KIRREL3: variants seen among roughly 807,000 people sequenced by gnomAD.
KIRREL3 encodes the protein kirre like nephrin family adhesion molecule 3.
KIRREL3 carries 36 observed loss-of-function variants against 89.7 expected under a neutral mutation model. The ratio of observed to expected loss-of-function variants is 0.40; its 90% CI spans 0.31 to 0.53. The LOEUF (loss-of-function observed/expected upper bound fraction) is 0.53, where lower values mean the gene tolerates loss of function less well. KIRREL3 is among the 20% of genes least tolerant of loss of function. KIRREL3 has a pLI of 0.49. For missense variants in KIRREL3, 864 were observed against 1,056.6 expected, an observed-to-expected ratio of 0.82 and a Z score of 2.53; for synonymous variants, 445 against 441.4, an observed-to-expected ratio of 1.01 and a Z score of -0.10.
intron 1 of KIRREL3, among the ~76,000 whole-genome samples, chr11:126,700,337 A>G (rs1947266627): frequency 6.6e-6 from 1 of 152,214 alleles, no homozygotes; most frequent in Non-Finnish European, 1.5e-5. Flanking sequence ...AGTATGGCAC[A>G]TTGGAAGAGG....
In KIRREL3 at chr11:126,715,825, T is replaced by C. The variant is rs1041707932; in HGVS notation, c.56-152913A>G. Among the ~76,000 whole-genome samples the C allele has an allele frequency of 6.6e-6, 1 of 152,106 alleles. No homozygotes were observed. Among genetic ancestry groups the C allele is most frequent in the African/African-American group, 2.4e-5 (1 of 41,416 alleles). Reference sequence around the variant, plus strand: ...GAACACGGTTGCAGAGAGGCCAGTGTTCCACCGTCAAGAGCGCAGAAAAGC... The same window carrying C: ...GAACACGGTTGCAGAGAGGCCAGTGCTCCACCGTCAAGAGCGCAGAAAAGC... On this transcript the variant is annotated intron_variant, in intron 1 of 16. Coordinates refer to ENST00000525144, the MANE Select transcript of KIRREL3 (RefSeq NM_032531.4). This position sits in a 1 kb window ranked among gnomAD's most constrained non-coding sequence, Gnocchi z 4.4.
intron 7 of KIRREL3, among the ~76,000 whole-genome samples, chr11:126,449,917 G>A (rs1955964064): frequency 6.6e-6 from 1 of 152,254 alleles, no homozygotes; most frequent in Admixed American, 6.5e-5. Flanking sequence ...TGCCCTTGCA[G>A]CCTGGCTTTG....
chr11:126,914,951 C>T (rs1946977831), intron 1 of KIRREL3, among the ~76,000 whole-genome samples: 1 of 152,206 alleles, frequency 6.6e-6, no homozygotes, highest in East Asian at 1.9e-4. Context: ...GTAAACACCA[C>T]AAACAACTTG....
Position 126,779,956 on chromosome 11 carries a change from G to A in KIRREL3, c.56-217044C>T, listed in dbSNP as rs532839572. ...GAAGGAGAGAGGGTAGGTGCATCAC[G>A]AGAGGCAGAGCCCACGGGAGCATCT... On this transcript the variant is annotated intron_variant, in intron 1 of 16. Transcript: ENST00000525144. Among the ~76,000 whole-genome samples the A allele has an allele frequency of 5.9e-5, 9 of 152,226 alleles. No individual in the cohort carries two copies. The South Asian group carries it at 1.7e-3, about 28-fold the overall frequency.
rs1039813942 is a variant in KIRREL3, at chr11:126,764,895, C to A, written c.56-201983G>T. Among the ~76,000 whole-genome samples, 1 of 152,210 alleles carries A rather than the reference C, an allele frequency of 6.6e-6. No homozygotes were observed. Among genetic ancestry groups the A allele is most frequent in the Non-Finnish European group, 1.5e-5 (1 of 68,034 alleles). ...TCGGCCTGGATCCTCTTCAATGAAC[C>A]ACCTATGTGTCACTTATGTCAATAT... On this transcript the variant is annotated intron_variant, in intron 1 of 16. Transcript: ENST00000525144. The surrounding 1 kb of genome is among the most constrained non-coding windows in gnomAD (Gnocchi z 4.2).
At chr11:126,845,127 T>C (rs1490066889) in intron 1 of KIRREL3, among the ~76,000 whole-genome samples, 6 of 152,178 alleles carry the variant, frequency 3.9e-5, no homozygotes, top group Admixed American at 1.3e-4. Context: ...AAGTTTGATA[T>C]TGAGTACTAA....
In KIRREL3 at chr11:126,579,438, T is replaced by C. The variant is rs545972665; in HGVS notation, c.56-16526A>G. 2.0e-5 allele frequency among the ~76,000 whole-genome samples: 3 copies of C among 152,324 alleles called. No homozygotes were observed. Among genetic ancestry groups the C allele is most frequent in the South Asian group, 2.1e-4 (1 of 4,822 alleles). ...TCTGATTTACTTATTAGATTTCTAC[T>C]GTGCCTTTTCTCTGCAGAGTGCTCA... On this transcript the variant is annotated intron_variant, in intron 1 of 16. Coordinates refer to ENST00000525144, the MANE Select transcript of KIRREL3 (RefSeq NM_032531.4). The surrounding 1 kb of genome is among the most constrained non-coding windows in gnomAD (Gnocchi z 5.3).
rs575054947 is a variant in KIRREL3 at position 126,664,099 on chromosome 11, G to A, written c.56-101187C>T. 6.6e-6 allele frequency among the ~76,000 whole-genome samples: 1 copy of A among 152,326 alleles called. No homozygotes were observed. Among genetic ancestry groups the A allele is most frequent in the Non-Finnish European group, 1.5e-5 (1 of 68,034 alleles). On this transcript the variant is annotated intron_variant, in intron 1 of 16. Transcript: ENST00000525144. This position sits in a 1 kb window ranked among gnomAD's most constrained non-coding sequence, Gnocchi z 5.4. Reference sequence around the variant, plus strand: ...TGCATGGCAACCTAATAGAGGCTTAGCTTTTCATTAAAATTTCCATTAATA... The same window carrying A: ...TGCATGGCAACCTAATAGAGGCTTAACTTTTCATTAAAATTTCCATTAATA...
In KIRREL3 at chr11:126,870,819, C is replaced by T. The variant is rs531625758; in HGVS notation, c.55+129636G>A. On this transcript the variant is annotated intron_variant, in intron 1 of 16. Coordinates refer to ENST00000525144, the MANE Select transcript of KIRREL3 (RefSeq NM_032531.4). The surrounding 1 kb of genome is among the most constrained non-coding windows in gnomAD (Gnocchi z 4.4). ...CACTTCCAGTGTAGTTCCTGCACTGCCCCTCCCCACTTCCAGTGTAGATCT... is the reference window on the plus strand; with the variant it reads ...CACTTCCAGTGTAGTTCCTGCACTGTCCCTCCCCACTTCCAGTGTAGATCT... Among the ~76,000 whole-genome samples the T allele has an allele frequency of 5.8e-4, 89 of 152,274 alleles. No individual in the cohort carries two copies. In the Middle Eastern group the frequency reaches 0.01, roughly 17 times the overall value.
At position 126,802,824 on chromosome 11, in the gene KIRREL3, A is replaced by G. The variant is rs1951081739; in HGVS notation, c.55+197631T>C. ...TGTTTAGTTCAGTGATATTTCTGTG[A>G]CCAGAAATATGCCATAGGAACTTAA... On this transcript the variant is annotated intron_variant, in intron 1 of 16. Transcript: ENST00000525144. This position sits in a 1 kb window ranked among gnomAD's most constrained non-coding sequence, Gnocchi z 5.2. 6.6e-6 allele frequency among the ~76,000 whole-genome samples: 1 copy of G among 152,158 alleles called. No individual in the cohort carries two copies. The highest frequency in any genetic ancestry group is 6.5e-5 in the Admixed American group (1 of 15,278).
chr11:126,445,035 C>A lies in KIRREL3; in HGVS notation c.1196G>T (p.Arg399Leu), dbSNP rs375260772. The change falls in exon 10 of 17, where the codon CGG becomes CTG. Residue 399 changes from arginine (R) to leucine (L), a missense_variant. Arg to Leu is a moderately radical substitution (Grantham distance 102). Transcript: ENST00000525144. ...GGCTCCCACACGGGGCACCACAGCCCGGCACACGTACTTGCCCGCGTCCTC... is the reference window on the plus strand; with the variant it reads ...GGCTCCCACACGGGGCACCACAGCCAGGCACACGTACTTGCCCGCGTCCTC... ...RQEDAGKYVC[R>L]AVVPRVGAGE... is the part of the protein sequence containing the mutation. The A allele has an allele frequency of 6.2e-7, 1 of 1,613,856 alleles. No homozygotes were observed. The highest frequency in any genetic ancestry group is 1.3e-5 in the African/African-American group (1 of 74,924).
At position 126,627,672 on chromosome 11, in the gene KIRREL3, C is replaced by G. The variant is rs181403998; in HGVS notation, c.56-64760G>C. Among the ~76,000 whole-genome samples, 1 of 152,200 alleles carries G rather than the reference C, an allele frequency of 6.6e-6. No homozygotes were observed. Among genetic ancestry groups the G allele is most frequent in the African/African-American group, 2.4e-5 (1 of 41,452 alleles). On this transcript the variant is annotated intron_variant, in intron 1 of 16. Coordinates refer to ENST00000525144, the MANE Select transcript of KIRREL3 (RefSeq NM_032531.4). This position sits in a 1 kb window ranked among gnomAD's most constrained non-coding sequence, Gnocchi z 5.0. ...TCAAGCAGCTGTCACTGGGACCCTGCGTGGGGCCTGCTGCCTCATTAGCTC... is the reference window on the plus strand; with the variant it reads ...TCAAGCAGCTGTCACTGGGACCCTGGGTGGGGCCTGCTGCCTCATTAGCTC...
chr11:126,655,896 T>G lies in KIRREL3; in HGVS notation c.56-92984A>C, dbSNP rs1945113536. 6.6e-6 allele frequency among the ~76,000 whole-genome samples: 1 copy of G among 152,134 alleles called. No homozygotes were observed. Among genetic ancestry groups the G allele is most frequent in the Admixed American group, 6.5e-5 (1 of 15,278 alleles). On this transcript the variant is annotated intron_variant, in intron 1 of 16. Transcript: ENST00000525144. The surrounding 1 kb of genome is among the most constrained non-coding windows in gnomAD (Gnocchi z 5.0). ...AGGACAACGTGACTTTCTCTTATTT[T>G]TTGTTCCTGACACTGTTTGCACTGA...
At position 126,946,828 on chromosome 11, in the gene KIRREL3, T is replaced by C. The variant is rs1948631964; in HGVS notation, c.55+53627A>G. On this transcript the variant is annotated intron_variant, in intron 1 of 16. Transcript: ENST00000525144. This position sits in a 1 kb window ranked among gnomAD's most constrained non-coding sequence, Gnocchi z 4.1. Reference sequence around the variant, plus strand: ...TTCACGAAACAACCATATAAGTAGATATCATTGTACATTGTTCAACCACTA... The same window carrying C: ...TTCACGAAACAACCATATAAGTAGACATCATTGTACATTGTTCAACCACTA... 6.6e-6 allele frequency among the ~76,000 whole-genome samples: 1 copy of C among 152,242 alleles called. No individual in the cohort carries two copies. The highest frequency in any genetic ancestry group is 1.5e-5 in the Non-Finnish European group (1 of 68,042).
rs7112589 is a variant in KIRREL3, at chr11:126,740,592, T to C, written c.56-177680A>G. Among the ~76,000 whole-genome samples the C allele has an allele frequency of 0.38, 57,704 of 151,786 alleles. 12,145 individuals carry two copies. Among genetic ancestry groups the C allele is most frequent in the East Asian group, 0.82 (4,191 of 5,124 alleles). ...GTATCGCTCTAGCCCAGCATCCCCT[T>C]TTGTCTTGAGAGGGAAGGCCAATAA... On this transcript the variant is annotated intron_variant, in intron 1 of 16. Coordinates refer to ENST00000525144, the MANE Select transcript of KIRREL3 (RefSeq NM_032531.4). This position sits in a 1 kb window ranked among gnomAD's most constrained non-coding sequence, Gnocchi z 6.0.
chr11:126,722,604 A>T (rs1370752408), intron 1 of KIRREL3, among the ~76,000 whole-genome samples: 3 of 152,268 alleles, frequency 2.0e-5, no homozygotes, highest in Non-Finnish European at 4.4e-5. Context: ...AAAACTGAGT[A>T]GTTGCAAAAA....
At chr11:126,630,976 G>T (rs776883294) in intron 1 of KIRREL3, among the ~76,000 whole-genome samples, 1 of 152,106 alleles carries the variant, frequency 6.6e-6, no homozygotes, top group Non-Finnish European at 1.5e-5. Context: ...TCCTTGACAC[G>T]TCCTGCCTAA....
chr11:126,845,589 A>G (rs1944111635), intron 1 of KIRREL3, among the ~76,000 whole-genome samples: 1 of 152,166 alleles, frequency 6.6e-6, no homozygotes, highest in South Asian at 2.1e-4. Flanking sequence ...CCATGTCCTT[A>G]GAAGCTTGAT....
Position 126,455,279 on chromosome 11 carries a change from C to G in KIRREL3, c.848+1070G>C, listed in dbSNP as rs76436797. 2.4e-3 allele frequency among the ~76,000 whole-genome samples: 367 copies of G among 152,342 alleles called. 3 individuals carry two copies. The highest frequency in any genetic ancestry group is 8.3e-3 in the African/African-American group (345 of 41,572). ...AGGTGAGTCTGCCCTTGAGTGCCTC[C>G]AAGGTCACTTAGTCTCCTAGAGTCT... On this transcript the variant is annotated intron_variant, in intron 7 of 16. Transcript: ENST00000525144. The surrounding 1 kb of genome is among the most constrained non-coding windows in gnomAD (Gnocchi z 6.4).
Sources: gnomAD v4.1 joint callset for allele counts (sites outside exome capture counted in the v4.1 genomes callset) on GRCh38, gnomAD v4.1.1 for gene constraint, Gnocchi (gnomAD v3.1) non-coding constraint, MANE v1.5 for transcripts, NCBI Gene and HGNC (gene_info 2026-07-23, HGNC 2026-07-21) for gene names.